Variants in ZUP1 observed in about 807,000 individuals in gnomAD.
The protein encoded by ZUP1 is zinc finger containing ubiquitin peptidase 1, also known as zinc finger-containing ubiquitin peptidase 1.
A neutral mutation model predicts 68.1 loss-of-function variants in ZUP1; 55 were observed. The observed-to-expected ratio is 0.81, with a 90% CI of 0.65 to 1.01. The LOEUF (loss-of-function observed/expected upper bound fraction) is 1.01. Ranked by LOEUF, ZUP1 falls within the 50% of genes least tolerant of loss-of-function variation. The pLI is 0.00. For missense variants in ZUP1, 684 were observed against 674.9 expected, an observed-to-expected ratio of 1.01 and a Z score of -0.15; for synonymous variants, 223 against 221.5, an observed-to-expected ratio of 1.01 and a Z score of -0.06.
At position 116,666,630 on chromosome 6, in the gene ZUP1, T is replaced by C. The variant is rs1162705166; in HGVS notation, c.559+4A>G. ...TATAATTTATAATGAAATGAAAACT[T>C]TACCTTCCAATGGAATGTCTAAAAG... On this transcript the variant is annotated splice_donor_region_variant and intron_variant, in intron 2 of 9. Coordinates refer to ENST00000368576, the MANE Select transcript of ZUP1 (RefSeq NM_145062.3). The C allele has an allele frequency of 6.5e-7, 1 of 1,544,294 alleles. No individual in the cohort carries two copies. The highest frequency in any genetic ancestry group is 8.7e-7 in the Non-Finnish European group (1 of 1,148,768).
intron 7 of ZUP1, among the ~76,000 whole-genome samples, chr6:116,649,033 G>A (rs1300425786): frequency 6.6e-6 from 1 of 151,234 alleles, no homozygotes; most frequent in Non-Finnish European, 1.5e-5. Context: ...AAACATGATA[G>A]AGTATAAATA....
intron 2 of ZUP1, among the ~76,000 whole-genome samples, chr6:116,665,165 C>A (rs1389996305): frequency 6.6e-6 from 1 of 151,770 alleles, no homozygotes. Context: ...TTGAAAAATG[C>A]ATGTAACTCA....
At chr6:116,663,213 A>G (rs1383382841) in intron 2 of ZUP1, among the ~76,000 whole-genome samples, 1 of 152,132 alleles carries the variant, frequency 6.6e-6, no homozygotes, top group Non-Finnish European at 1.5e-5. Context: ...AAAACCTCCT[A>G]TATAGAATAT....
chr6:116,636,267 G>A (rs1201807552), intron 9 of ZUP1, among the ~76,000 whole-genome samples: 3 of 152,024 alleles, frequency 2.0e-5, no homozygotes, highest in Non-Finnish European at 4.4e-5. Flanking sequence ...TCTTAAAAAC[G>A]TCACTTCAAA....
At chr6:116,636,829 T>C (rs1175086631) in intron 9 of ZUP1, among the ~76,000 whole-genome samples, 1 of 152,176 alleles carries the variant, frequency 6.6e-6, no homozygotes, top group Non-Finnish European at 1.5e-5. Flanking sequence ...ATTGTAGTTA[T>C]TGCTTTGAAG....
intron 9 of ZUP1, among the ~76,000 whole-genome samples, chr6:116,639,277 A>C (rs1437617123): frequency 3.3e-5 from 5 of 152,248 alleles, no homozygotes; most frequent in Admixed American, 3.3e-4. Flanking sequence ...ACAAACAAAA[A>C]GACAGCAGTA....
intron 2 of ZUP1, among the ~76,000 whole-genome samples, chr6:116,665,564 TTTTTC>T (rs1444053817): frequency 6.9e-6 from 1 of 145,208 alleles, no homozygotes; most frequent in Non-Finnish European, 1.5e-5. Context: ...TACAGAAAAA[TTTTTC>T]TTTTTTTTTT....
chr6:116,646,153 A>C (rs1394034109), intron 8 of ZUP1: 4 of 386,702 alleles, frequency 1.0e-5, no homozygotes, highest in Non-Finnish European at 1.4e-5. Flanking sequence ...ACCAAAAAAA[A>C]CATTTTTATT....
At chr6:116,646,477 C>T (rs1242877911) in intron 8 of ZUP1, among the ~76,000 whole-genome samples, 1 of 152,180 alleles carries the variant, frequency 6.6e-6, no homozygotes, top group Non-Finnish European at 1.5e-5. Flanking sequence ...ACAAAACAGA[C>T]AAACGTGCCT....
At chr6:116,656,900 C>G in intron 4 of ZUP1, 48 bp from the exon 5 acceptor site, 1 of 1,273,150 alleles carries the variant, frequency 7.9e-7, no homozygotes, top group Non-Finnish European at 1.1e-6. Context: ...CCCTGTAACT[C>G]TATGAGGATG....
chr6:116,667,277 C>T, intron 1 of ZUP1, 70 bp from the exon 2 acceptor site: 1 of 1,081,594 alleles, frequency 9.2e-7, no homozygotes, highest in South Asian at 2.1e-5. Flanking sequence ...TGATTTGAGA[C>T]AATTACTTGG....
chr6:116,637,882 G>A (rs1775949286), intron 9 of ZUP1, among the ~76,000 whole-genome samples: 1 of 152,110 alleles, frequency 6.6e-6, no homozygotes. Context: ...GGCTAACATG[G>A]TGAAACCCCA....
At chr6:116,665,002 T>C (rs1221366236) in intron 2 of ZUP1, among the ~76,000 whole-genome samples, 3 of 152,098 alleles carry the variant, frequency 2.0e-5, no homozygotes, top group Admixed American at 2.0e-4. Context: ...GAATACTTTT[T>C]TAGACAATAC....
chr6:116,662,322 T>G (rs1052662409), intron 2 of ZUP1, among the ~76,000 whole-genome samples: 1 of 152,186 alleles, frequency 6.6e-6, no homozygotes, highest in African/African-American at 2.4e-5. Flanking sequence ...CCACCCCTTC[T>G]AGTTTTAAGT....
intron 9 of ZUP1, among the ~76,000 whole-genome samples, chr6:116,644,015 A>C (rs1036079570): frequency 6.6e-6 from 1 of 152,226 alleles, no homozygotes; most frequent in African/African-American, 2.4e-5. Flanking sequence ...AACCCCATGA[A>C]AAAGTGGGCA....
chr6:116,666,636 T>A lies in ZUP1; in HGVS notation c.557A>T (p.Glu186Val). The A allele has an allele frequency of 6.4e-7, 1 of 1,554,772 alleles. No individual in the cohort carries two copies. The change falls in exon 2 of 10, where the codon GAA becomes GTA. Residue 186 changes from glutamate to valine, a missense_variant and splice_region_variant. Transcript: ENST00000368576. ...TTATAATGAAATGAAAACTTTACCT[T>A]CCAATGGAATGTCTAAAAGATTGGC... is the stretch of plus-strand genomic sequence containing the variant. ...KHANLLDIPL[E>V]DCDQPLYDCP...
chr6:116,643,965 C>G (rs913060565), intron 9 of ZUP1, among the ~76,000 whole-genome samples: 4 of 152,106 alleles, frequency 2.6e-5, no homozygotes, highest in African/African-American at 4.8e-5. Context: ...TATCCAGAAT[C>G]TACAATGAAC....
Position 116,666,722 on chromosome 6 carries a change from T to G in ZUP1, c.471A>C (p.Pro157=). The change falls in exon 2 of 10, where the codon CCA becomes CCC. Residue 157 remains proline, a synonymous_variant. Transcript: ENST00000368576. ...YETTYSPPEC[P]FCGKIEEHSE... is the part of the protein sequence containing the mutation. ...TGTGCTCCTCTATTTTTCCACAGAA[T>G]GGACATTCAGGAGGACTGTATGTTG... 6.2e-7 allele frequency: 1 copy of G among 1,613,776 alleles called. No individual in the cohort carries two copies. Among genetic ancestry groups the G allele is most frequent in the African/African-American group, 1.3e-5 (1 of 75,036 alleles).
intron 9 of ZUP1, among the ~76,000 whole-genome samples, chr6:116,644,148 C>CA (rs1409846978): frequency 2.6e-5 from 4 of 152,188 alleles, no homozygotes; most frequent in African/African-American, 9.7e-5. Context: ...GATACCATCT[C>CA]ACACCAGTTA....
Sources: gnomAD v4.1 joint callset for allele counts (sites outside exome capture counted in the v4.1 genomes callset) on GRCh38, gnomAD v4.1.1 for gene constraint, MANE v1.5 for transcripts, NCBI Gene and HGNC (gene_info 2026-07-23, HGNC 2026-07-21) for gene names.